The following NELL1 variants were observed in gnomAD, a reference collection of about 807,000 sequenced individuals.
NELL1 encodes the protein neural EGFL like 1, also known as protein kinase C-binding protein NELL1.
NELL1 carries 76 observed loss-of-function variants against 107.4 expected under a neutral mutation model. The observed-to-expected ratio is 0.71, with a 90% CI of 0.59 to 0.86. NELL1 has a LOEUF of 0.86. NELL1 is among the 40% of genes least tolerant of loss of function. NELL1 has a pLI of 0.00. For synonymous variants in NELL1, 353 were observed against 341.2 expected, an observed-to-expected ratio of 1.03 and a Z score of -0.38; for missense variants, 1,024 against 1,005.5, an observed-to-expected ratio of 1.02 and a Z score of -0.25.
At chr11:20,926,288 G>A (rs1157126200) in intron 7 of NELL1, among the ~76,000 whole-genome samples, 1 of 152,130 alleles carries the variant, frequency 6.6e-6, no homozygotes, top group African/African-American at 2.4e-5. Flanking sequence ...GGAGTAGGCT[G>A]TATGAAAAGT....
At chr11:20,739,706 G>A (rs1465722290) in intron 2 of NELL1, among the ~76,000 whole-genome samples, 1 of 152,240 alleles carries the variant, frequency 6.6e-6, no homozygotes, top group Non-Finnish European at 1.5e-5. Flanking sequence ...ACATGTTCCC[G>A]CACTGCCATT....
intron 4 of NELL1, among the ~76,000 whole-genome samples, chr11:20,850,383 G>C (rs1363832011): frequency 1.3e-5 from 2 of 152,196 alleles, no homozygotes; most frequent in Non-Finnish European, 2.9e-5. Context: ...GAGTATGAAA[G>C]GAGATGATGT....
intron 12 of NELL1, among the ~76,000 whole-genome samples, chr11:21,021,050 G>C (rs891180644): frequency 4.9e-5 from 5 of 102,164 alleles, no homozygotes; most frequent in African/African-American, 1.0e-4. Context: ...CACACACACA[G>C]AGTTAAAATC....
intron 14 of NELL1, among the ~76,000 whole-genome samples, chr11:21,274,486 T>A (rs1374101111): frequency 1.3e-5 from 2 of 152,156 alleles, no homozygotes; most frequent in African/African-American, 4.8e-5. Context: ...ATTAGACAGA[T>A]CAACAAGACA....
chr11:21,463,401 A>C (rs1853948658), intron 15 of NELL1, among the ~76,000 whole-genome samples: 1 of 152,128 alleles, frequency 6.6e-6, no homozygotes, highest in South Asian at 2.1e-4. Context: ...TCAGGGTCAA[A>C]GAATATGCAG....
chr11:21,168,593 T>A (rs1410831241), intron 13 of NELL1, among the ~76,000 whole-genome samples: 2 of 151,834 alleles, frequency 1.3e-5, no homozygotes, highest in African/African-American at 2.4e-5. Flanking sequence ...TTCAGTTGTG[T>A]TCAGTGATAC....
At chr11:21,467,273 G>A (rs73463114) in intron 15 of NELL1, among the ~76,000 whole-genome samples, 3,827 of 152,126 alleles carry the variant, frequency 0.025, 169 homozygotes, top group African/African-American at 0.085. Flanking sequence ...ATTGGAGATA[G>A]CAATAGTACC....
At chr11:20,824,300 T>C (rs1857825326) in intron 3 of NELL1, among the ~76,000 whole-genome samples, 1 of 151,350 alleles carries the variant, frequency 6.6e-6, no homozygotes, top group Non-Finnish European at 1.5e-5. Flanking sequence ...ACCTCTTCCC[T>C]TTATAAATTA....
At chr11:21,057,417 A>G (rs1412569147) in intron 12 of NELL1, among the ~76,000 whole-genome samples, 3 of 152,018 alleles carry the variant, frequency 2.0e-5, no homozygotes, top group Non-Finnish European at 4.4e-5. Flanking sequence ...GTGTCTTAAA[A>G]TGTTGCATAT....
intron 12 of NELL1, among the ~76,000 whole-genome samples, chr11:21,009,903 G>T (rs1852408836): frequency 6.6e-6 from 1 of 151,862 alleles, no homozygotes; most frequent in African/African-American, 2.4e-5. Flanking sequence ...GAGTCAAGGG[G>T]TGGCAGTTTT....
At chr11:21,454,884 T>C (rs921022507) in intron 15 of NELL1, among the ~76,000 whole-genome samples, 13 of 152,234 alleles carry the variant, frequency 8.5e-5, no homozygotes, top group Non-Finnish European at 1.8e-4. Flanking sequence ...CCCCATCTTC[T>C]AATACCATCA....
At chr11:21,046,677 A>T (rs540696763) in intron 12 of NELL1, among the ~76,000 whole-genome samples, 24 of 143,616 alleles carry the variant, frequency 1.7e-4, no homozygotes, top group South Asian at 4.5e-4. Flanking sequence ...TATTTACTCA[A>T]TTATTTATTT....
At chr11:20,764,178 T>C (rs1856482831) in intron 2 of NELL1, among the ~76,000 whole-genome samples, 1 of 152,262 alleles carries the variant, frequency 6.6e-6, no homozygotes, top group Admixed American at 6.5e-5. Context: ...CCAGAACTTT[T>C]TTATTTTGCA....
chr11:20,853,129 G>A (rs1848821936), intron 4 of NELL1, among the ~76,000 whole-genome samples: 1 of 152,170 alleles, frequency 6.6e-6, no homozygotes, highest in South Asian at 2.1e-4. Flanking sequence ...TTAGAACAAG[G>A]TTTATCTCAC....
rs186787371 is a variant in NELL1, at chr11:20,694,767, A to C, written c.184+16707A>C. ...CTTTCTGCTTAAGATTGTTTTGGTT[A>C]TGTCAGCTCTTTTTTGGATCCACAT... is the stretch of plus-strand genomic sequence containing the variant. On this transcript the variant is annotated intron_variant, in intron 2 of 19. Coordinates refer to ENST00000357134, the MANE Select transcript of NELL1 (RefSeq NM_006157.5). Among the ~76,000 whole-genome samples the C allele has an allele frequency of 1.1e-4, 16 of 151,872 alleles. No homozygotes were observed. In the East Asian group the frequency reaches 3.1e-3, roughly 29 times the overall value.
At chr11:20,936,960 A>G (rs1850739221) in intron 9 of NELL1, among the ~76,000 whole-genome samples, 2 of 152,194 alleles carry the variant, frequency 1.3e-5, no homozygotes. Context: ...AGCTGGGGCT[A>G]GAAGGGTCCT....
At chr11:21,309,285 TA>T (rs1849687260) in intron 14 of NELL1, among the ~76,000 whole-genome samples, 2 of 68,112 alleles carry the variant, frequency 2.9e-5, no homozygotes, top group African/African-American at 7.9e-5. Flanking sequence ...TATATGTATA[TA>T]TATATATATA....
chr11:20,972,554 A>G (rs983526372), intron 12 of NELL1, among the ~76,000 whole-genome samples: 1 of 152,138 alleles, frequency 6.6e-6, no homozygotes, highest in African/African-American at 2.4e-5. Flanking sequence ...GAGGCTGAGA[A>G]GGGAGGAGGT....
intron 2 of NELL1, among the ~76,000 whole-genome samples, chr11:20,736,462 G>A (rs1490192327): frequency 6.8e-6 from 1 of 146,282 alleles, no homozygotes; most frequent in Non-Finnish European, 1.5e-5. Flanking sequence ...CGTCAAAGCT[G>A]GCCCCTGTCA....
Sources: gnomAD v4.1 joint callset for allele counts (sites outside exome capture counted in the v4.1 genomes callset) on GRCh38, gnomAD v4.1.1 for gene constraint, MANE v1.5 for transcripts, NCBI Gene and HGNC (gene_info 2026-07-23, HGNC 2026-07-21) for gene names.